The following CLEC20A variants were observed in gnomAD, a reference collection of about 807,000 sequenced individuals.
CLEC20A encodes the protein putative C-type lectin domain family 20 member A.
intron 3 of CLEC20A, 51 bp from the exon 4 acceptor site, chr1:178,490,488 C>G (rs547132336): frequency 2.1e-4 from 84 of 398,416 alleles, no homozygotes; most frequent in African/African-American, 1.7e-3. Context: ...GGGTCTCTGA[C>G]AGCCCAGCCT....
chr1:178,495,405 A>C (rs1649363529), intron 1 of CLEC20A, among the ~76,000 whole-genome samples: 1 of 152,236 alleles, frequency 6.6e-6, no homozygotes, highest in South Asian at 2.1e-4. Context: ...TCTGGGGCTC[A>C]TAACCAGAGC....
At chr1:178,491,572 A>G (rs1026794464) in intron 3 of CLEC20A, among the ~76,000 whole-genome samples, 1 of 152,184 alleles carries the variant, frequency 6.6e-6, no homozygotes, top group African/African-American at 2.4e-5. Context: ...CAGTTCACAG[A>G]TGAGGAAAAG....
At chr1:178,488,642 C>A (rs953320781) in intron 4 of CLEC20A, 43 bp from the exon 5 acceptor site, 1 of 398,728 alleles carries the variant, frequency 2.5e-6, no homozygotes, top group East Asian at 3.6e-5. Flanking sequence ...GTCTGCAACA[C>A]CCAGCAGGTG....
At chr1:178,483,154 T>C in intron 6 of CLEC20A, 21 bp downstream of exon 6, 1 of 398,626 alleles carries the variant, frequency 2.5e-6, no homozygotes, top group Non-Finnish European at 4.4e-6. Context: ...GAGTAGGAAC[T>C]TGGTAGACAG....
At chr1:178,486,277 C>A (rs565006153) in intron 5 of CLEC20A, among the ~76,000 whole-genome samples, 1 of 152,206 alleles carries the variant, frequency 6.6e-6, no homozygotes, top group Non-Finnish European at 1.5e-5. Flanking sequence ...GCCCAGCACA[C>A]AACGCGCCCA....
rs2101878055 is a variant in CLEC20A, at chr1:178,494,605, C to T, written c.246G>A (p.Trp82Ter). The change falls in exon 2 of 8, where the codon TGG (tryptophan) becomes TGA (stop). Residue 82 changes from tryptophan to a stop codon, truncating the protein, a stop_gained. Transcript: ENST00000623247. LOFTEE classifies it high-confidence loss of function. ...GGGCTGTGAAGGTGGAGCCGCTGGA[C>T]CATCTCAGGCCAGAAGTGCTTGCGT... The T allele has an allele frequency of 2.5e-6, 1 of 399,322 alleles. No individual in the cohort carries two copies. The highest frequency in any genetic ancestry group is 2.1e-5 in the African/African-American group (1 of 48,754). 24.7% of individuals were successfully genotyped at this position (399,322 alleles called of 1,614,324 possible). A position where few individuals can be genotyped will look rare whatever the true frequency, so the allele number is the denominator to read the frequency against.
chr1:178,492,786 T>C (rs1406110902), intron 2 of CLEC20A, among the ~76,000 whole-genome samples: 1 of 151,732 alleles, frequency 6.6e-6, no homozygotes, highest in African/African-American at 2.4e-5. Flanking sequence ...ACAAGCGGAG[T>C]CCTTGCTCTT....
chr1:178,480,813 A>C (rs77774255), intron 7 of CLEC20A: 1 of 152,032 alleles, frequency 6.6e-6, no homozygotes, highest in African/African-American at 2.4e-5. Context: ...AAAAGTAAAC[A>C]ACATAGAGAA....
chr1:178,484,002 G>C (rs962792615), intron 5 of CLEC20A: 4 of 152,218 alleles, frequency 2.6e-5, no homozygotes, highest in African/African-American at 9.6e-5. Flanking sequence ...TTGTTAATTT[G>C]AATGTGTAAA....
At chr1:178,497,601 C>T (rs1030296831), upstream of CLEC20A, among the ~76,000 whole-genome samples, 1 of 152,248 alleles carries the variant, frequency 6.6e-6, no homozygotes, top group Non-Finnish European at 1.5e-5. Flanking sequence ...CACAGCTGCC[C>T]ACACTTTGTT....
chr1:178,493,699 G>A (rs1482335814), intron 2 of CLEC20A: 4 of 152,282 alleles, frequency 2.6e-5, no homozygotes, highest in African/African-American at 7.2e-5. Flanking sequence ...GGGAAGCAGG[G>A]GATCTCCCAG....
intron 5 of CLEC20A, chr1:178,486,843 G>A (rs1649158853): frequency 2.5e-6 from 1 of 398,454 alleles, no homozygotes; most frequent in Admixed American, 4.4e-5. Flanking sequence ...GTCCTTCCGC[G>A]GGAACCAAGG....
intron 7 of CLEC20A, 73 bp downstream of exon 7, chr1:178,482,239 A>G: frequency 2.5e-6 from 1 of 398,126 alleles, no homozygotes; most frequent in Non-Finnish European, 4.4e-6. Context: ...ACCTTAATAT[A>G]TTGGTTTTTA....
intron 2 of CLEC20A, among the ~76,000 whole-genome samples, chr1:178,494,182 G>A (rs1425242597): frequency 6.6e-6 from 1 of 152,220 alleles, no homozygotes; most frequent in African/African-American, 2.4e-5. Flanking sequence ...ATCATTTGAA[G>A]GCAAGAATTT....
chr1:178,497,158 G>A (rs528947158), upstream of CLEC20A: 202 of 393,686 alleles, frequency 5.1e-4, 1 homozygote, highest in Non-Finnish European at 7.0e-4. Context: ...CTGGAGATGC[G>A]GCCTGGAGGA....
upstream of CLEC20A, among the ~76,000 whole-genome samples, chr1:178,498,865 AG>A (rs1271979148): frequency 5.3e-5 from 8 of 152,196 alleles, no homozygotes; most frequent in African/African-American, 1.9e-4. Context: ...AAAGAGAAAG[AG>A]GGGAAAATTT....
Position 178,494,319 on chromosome 1 carries a change from T to C in CLEC20A, c.397+135A>G, listed in dbSNP as rs1315236240. The C allele has an allele frequency of 1.0e-5, 4 of 397,230 alleles. No individual in the cohort carries two copies. In the Admixed American group the frequency reaches 1.8e-4, roughly 18 times the overall value. The allele number at this position is 397,230 out of a possible 1,614,324, so 24.6% of individuals were successfully genotyped here. On this transcript the variant is annotated intron_variant, in intron 2 of 7. Coordinates refer to ENST00000623247, the Ensembl canonical transcript of CLEC20A. ...CTGTAGTCCCAGCTGCTCAGGAGGC[T>C]GAGGCAGGAGAATCACCTGAGCCCA...
intron 5 of CLEC20A, chr1:178,484,780 G>A (rs1418922100): frequency 6.6e-6 from 1 of 152,216 alleles, no homozygotes; most frequent in Non-Finnish European, 1.5e-5. Flanking sequence ...TTTTTAAAAT[G>A]TATTTGTATT....
intron 2 of CLEC20A, among the ~76,000 whole-genome samples, chr1:178,492,821 T>C (rs1198615235): frequency 6.6e-6 from 1 of 152,134 alleles, no homozygotes; most frequent in Non-Finnish European, 1.5e-5. Flanking sequence ...AAGGAGCAAA[T>C]CTTGTAGAGA....
Sources: gnomAD v4.1 joint callset for allele counts (sites outside exome capture counted in the v4.1 genomes callset) on GRCh38, gnomAD v4.1.1 for gene constraint, MANE v1.5 for transcripts, NCBI Gene and HGNC (gene_info 2026-07-23, HGNC 2026-07-21) for gene names.